DENND4A: variants seen among roughly 807,000 people sequenced by gnomAD.
DENND4A encodes DENN domain containing 4A, also known as C-myc promoter-binding protein.
In DENND4A, 70 loss-of-function variants were observed where a neutral mutation model predicts 199.3. That is an observed-to-expected ratio of 0.35 (90% CI 0.29 to 0.43). The LOEUF is 0.43. Among genes scored for constraint, DENND4A ranks in the 20% least tolerant of loss-of-function variants. The pLI, the probability that DENND4A is intolerant of heterozygous loss-of-function variation, is 1.00. For synonymous variants in DENND4A, 686 were observed against 766.9 expected, an observed-to-expected ratio of 0.89 and a Z score of 1.74; for missense variants, 1,723 against 2,255.8, an observed-to-expected ratio of 0.76 and a Z score of 4.78.
rs139708249 is a variant in DENND4A, at chr15:65,663,198, AT to A, written c.5587+1131del. Among the ~76,000 whole-genome samples the A allele has an allele frequency of 6.0e-3, 672 of 112,314 alleles. 2 individuals carry two copies. The highest frequency in any genetic ancestry group is 0.021 in the Middle Eastern group (4 of 188). The allele number at this position is 112,314 out of a possible 152,430, so 73.7% of individuals were successfully genotyped here. Reference sequence around the variant, plus strand: ...TGTGTATATATATATATATATATATATTTTTTTTTTTTTATTTTTTTTTTTG... The same window carrying A: ...TGTGTATATATATATATATATATATATTTTTTTTTTTTATTTTTTTTTTTG... On this transcript the variant is annotated intron_variant, in intron 32 of 32. Coordinates refer to ENST00000443035, the MANE Select transcript of DENND4A (RefSeq NM_001320835.1).
Position 65,670,069 on chromosome 15 carries a change from G to A in DENND4A, c.4584C>T (p.Gly1528=), listed in dbSNP as rs750405918. The A allele has an allele frequency of 6.2e-7, 1 of 1,604,048 alleles. No individual in the cohort carries two copies. The highest frequency in any genetic ancestry group is 1.1e-5 in the South Asian group (1 of 89,458). ...SNLNTTCPFC[G]NIFLPFLNIE... Reference sequence around the variant, plus strand: ...TATTCAGAAAGGGTAAGAAGATATTGCCACAGAATGGGCATGTAGTATTGA... The same window carrying A: ...TATTCAGAAAGGGTAAGAAGATATTACCACAGAATGGGCATGTAGTATTGA... The change falls in exon 26 of 33, where the codon GGC becomes GGT. Residue 1528 remains glycine, a synonymous_variant. Transcript: ENST00000443035.
rs567285515 is a variant in DENND4A at position 65,783,069 on chromosome 15, A to G, written c.-102+8941T>C. Among the ~76,000 whole-genome samples, 4 of 152,150 alleles carry G rather than the reference A, an allele frequency of 2.6e-5. No individual in the cohort carries two copies. The South Asian group carries it at 8.3e-4, about 32-fold the overall frequency. On this transcript the variant is annotated intron_variant, in intron 1 of 32. Coordinates refer to ENST00000443035, the MANE Select transcript of DENND4A (RefSeq NM_001320835.1). ...GAAATTTTTTATAAGCTTTATATATAATTACCATGTAATTTAGATCAATTT... is the reference window on the plus strand; with the variant it reads ...GAAATTTTTTATAAGCTTTATATATGATTACCATGTAATTTAGATCAATTT...
chr15:65,664,529 A>C, intron 31 of DENND4A, 31 bp downstream of exon 31: 1 of 1,596,512 alleles, frequency 6.3e-7, no homozygotes, highest in Non-Finnish European at 8.6e-7. Context: ...TGCCTAGGAG[A>C]ACAATATATT....
At chr15:65,675,425 T>C (rs534504097) in intron 24 of DENND4A, among the ~76,000 whole-genome samples, 3 of 152,150 alleles carry the variant, frequency 2.0e-5, no homozygotes, top group Non-Finnish European at 4.4e-5. Flanking sequence ...GAAAGACTGA[T>C]ACATTTGATG....
chr15:65,721,441 T>C (rs1026974629), intron 12 of DENND4A, among the ~76,000 whole-genome samples: 7 of 152,038 alleles, frequency 4.6e-5, no homozygotes, highest in Non-Finnish European at 1.0e-4. Context: ...TACCTAAACA[T>C]AAATGTGTAT....
chr15:65,767,292 C>G (rs1345396473), intron 1 of DENND4A: 2 of 152,212 alleles, frequency 1.3e-5, no homozygotes, highest in Non-Finnish European at 2.9e-5. Context: ...GCTTGCCTGT[C>G]TAACATACCA....
chr15:65,722,781 T>C (rs2075686998), intron 12 of DENND4A, 67 bp downstream of exon 12: 1 of 1,211,724 alleles, frequency 8.3e-7, no homozygotes, highest in Admixed American at 3.3e-5. Context: ...CTTTTATAAG[T>C]AAGGCAAAGT....
At chr15:65,745,958 ACC>A (rs1341832770) in intron 4 of DENND4A, among the ~76,000 whole-genome samples, 3 of 151,276 alleles carry the variant, frequency 2.0e-5, no homozygotes, top group Non-Finnish European at 4.4e-5. Flanking sequence ...ACATGGTGAA[ACC>A]CCGTCTCTAC....
intron 3 of DENND4A, among the ~76,000 whole-genome samples, chr15:65,755,667 G>A (rs1005234871): frequency 1.3e-5 from 2 of 152,008 alleles, no homozygotes; most frequent in Non-Finnish European, 2.9e-5. Flanking sequence ...TCAAGAGGCT[G>A]GGGCAGGAGG....
chr15:65,765,287 T>C (rs1051698375), intron 1 of DENND4A, among the ~76,000 whole-genome samples: 1 of 152,192 alleles, frequency 6.6e-6, no homozygotes, highest in Admixed American at 6.5e-5. Context: ...ATTTATAAAA[T>C]CTATTTAGCA....
At chr15:65,703,065 T>G in intron 15 of DENND4A, 57 bp from the exon 16 acceptor site, 1 of 1,510,872 alleles carries the variant, frequency 6.6e-7, no homozygotes, top group African/African-American at 1.4e-5. Flanking sequence ...ACATAGATGA[T>G]CATAGTGGTT....
intron 4 of DENND4A, among the ~76,000 whole-genome samples, chr15:65,744,175 A>C (rs972265420): frequency 7.2e-5 from 11 of 152,194 alleles, no homozygotes; most frequent in African/African-American, 2.4e-4. Context: ...GACAAAAAAA[A>C]ATCCTATCTG....
chr15:65,722,560 G>C (rs1396431306), intron 12 of DENND4A, among the ~76,000 whole-genome samples: 1 of 150,952 alleles, frequency 6.6e-6, no homozygotes, highest in Non-Finnish European at 1.5e-5. Flanking sequence ...ACATCCTTTT[G>C]AATTTTATTA....
At chr15:65,754,335 C>A (rs2076646168) in intron 3 of DENND4A, among the ~76,000 whole-genome samples, 1 of 152,088 alleles carries the variant, frequency 6.6e-6, no homozygotes, top group Non-Finnish European at 1.5e-5. Flanking sequence ...AAAAAAGGCA[C>A]CTACACACAG....
At chr15:65,664,483 A>G in intron 31 of DENND4A, 77 bp downstream of exon 31, 1 of 1,531,882 alleles carries the variant, frequency 6.5e-7, no homozygotes, top group South Asian at 1.2e-5. Context: ...TAAGCATGAG[A>G]TATTCTAACA....
chr15:65,700,273 T>G (rs2074819337), intron 20 of DENND4A, among the ~76,000 whole-genome samples: 1 of 152,110 alleles, frequency 6.6e-6, no homozygotes, highest in South Asian at 2.1e-4. Context: ...TAAACAGATC[T>G]ATGTCTACGC....
At chr15:65,718,984 T>C (rs2075515061) in intron 12 of DENND4A, among the ~76,000 whole-genome samples, 1 of 151,428 alleles carries the variant, frequency 6.6e-6, no homozygotes, top group Non-Finnish European at 1.5e-5. Flanking sequence ...TTCACCGTGT[T>C]GGCGAGGCTA....
At chr15:65,712,691 A>C (rs568327716) in intron 14 of DENND4A, among the ~76,000 whole-genome samples, 2 of 151,792 alleles carry the variant, frequency 1.3e-5, no homozygotes, top group African/African-American at 4.8e-5. Flanking sequence ...CAATTTATGA[A>C]TATCAAGGGA....
chr15:65,674,425 G>C (rs2076308940), intron 24 of DENND4A, among the ~76,000 whole-genome samples: 1 of 152,180 alleles, frequency 6.6e-6, no homozygotes, highest in Non-Finnish European at 1.5e-5. Context: ...CTTGAGCTGA[G>C]TGCTGATTAC....
Sources: gnomAD v4.1 joint callset for allele counts (sites outside exome capture counted in the v4.1 genomes callset) on GRCh38, gnomAD v4.1.1 for gene constraint, MANE v1.5 for transcripts, NCBI Gene and HGNC (gene_info 2026-07-23, HGNC 2026-07-21) for gene names.